The following NTM variants were observed in gnomAD, a reference collection of about 807,000 sequenced individuals.
The protein encoded by NTM is neurotrimin, also known as IgLON family member 2.
In NTM, 13 loss-of-function variants were observed where a neutral mutation model predicts 42.1. That is an observed-to-expected ratio of 0.31 (90% CI 0.20 to 0.49). NTM has a LOEUF of 0.49. Among genes scored for constraint, NTM ranks in the 20% least tolerant of loss-of-function variants. The pLI is 0.99. For missense variants in NTM, 373 were observed against 452.8 expected, an observed-to-expected ratio of 0.82 and a Z score of 1.60; for synonymous variants, 187 against 179.2, an observed-to-expected ratio of 1.04 and a Z score of -0.35.
intron 2 of NTM, among the ~76,000 whole-genome samples, chr11:132,105,562 A>C (rs191800277): frequency 3.9e-4 from 59 of 152,272 alleles, no homozygotes; most frequent in Admixed American, 2.9e-3. Flanking sequence ...TGGAGAAAAC[A>C]GTGGGAAGAG....
At chr11:132,169,629 G>A (rs754523206) in intron 3 of NTM, among the ~76,000 whole-genome samples, 6 of 151,842 alleles carry the variant, frequency 4.0e-5, no homozygotes, top group South Asian at 4.2e-4. Context: ...CCACTGTGCC[G>A]GGCCAATTTT....
At chr11:132,334,916 G>T in intron 8 of NTM, 130 bp from the exon 9 acceptor site, 2 of 1,438,166 alleles carry the variant, frequency 1.4e-6, no homozygotes, top group South Asian at 1.4e-5. Flanking sequence ...GCTGGGGCTG[G>T]AACACCATGT....
intron 2 of NTM, among the ~76,000 whole-genome samples, chr11:131,987,367 G>C (rs1267126746): frequency 6.8e-6 from 1 of 147,792 alleles, no homozygotes; most frequent in Non-Finnish European, 1.5e-5. Context: ...ATGTTATTCT[G>C]TCCTATTCCT....
At chr11:132,305,308 C>T (rs576264578) in intron 4 of NTM, among the ~76,000 whole-genome samples, 16 of 152,310 alleles carry the variant, frequency 1.1e-4, no homozygotes, top group Admixed American at 2.0e-4. Context: ...TTTGTTTCCC[C>T]GCTTTGGTGA....
intron 1 of NTM, among the ~76,000 whole-genome samples, chr11:131,793,400 G>A (rs542085089): frequency 1.5e-3 from 221 of 152,314 alleles, no homozygotes; most frequent in African/African-American, 5.2e-3. Context: ...GTGACTCAAT[G>A]ACTGAATAAA....
intron 3 of NTM, among the ~76,000 whole-genome samples, chr11:132,184,875 G>A (rs146000315): frequency 1.7e-3 from 257 of 152,250 alleles, no homozygotes; most frequent in African/African-American, 5.9e-3. Flanking sequence ...GCTTCATGGC[G>A]TCAGAGGTGC....
At chr11:131,885,023 C>T (rs939741543) in intron 1 of NTM, among the ~76,000 whole-genome samples, 8 of 152,102 alleles carry the variant, frequency 5.3e-5, no homozygotes, top group Non-Finnish European at 7.4e-5. Context: ...CTGAGACCCA[C>T]GGTTTGGGTC....
At chr11:131,419,300 C>G (rs1947270071) in intron 1 of NTM, among the ~76,000 whole-genome samples, 1 of 152,128 alleles carries the variant, frequency 6.6e-6, no homozygotes, top group African/African-American at 2.4e-5. Flanking sequence ...GATTTTCTTA[C>G]CTTATATGTG....
At chr11:131,640,820 T>C (rs2065039653) in intron 1 of NTM, among the ~76,000 whole-genome samples, 1 of 152,226 alleles carries the variant, frequency 6.6e-6, no homozygotes, top group Non-Finnish European at 1.5e-5. Flanking sequence ...CCATTTGGGA[T>C]AAGAATGACT....
intron 1 of NTM, among the ~76,000 whole-genome samples, chr11:131,755,241 C>T: frequency 6.6e-6 from 1 of 152,156 alleles, no homozygotes; most frequent in Non-Finnish European, 1.5e-5. Context: ...GCATGGCACA[C>T]AAGTTTTGAG....
chr11:132,212,088 C>T lies in NTM; in HGVS notation c.467C>T (p.Thr156Ile). 2 of 1,613,760 alleles carry T rather than the reference C, an allele frequency of 1.2e-6. No individual in the cohort carries two copies. The highest frequency in any genetic ancestry group is 1.7e-6 in the Non-Finnish European group (2 of 1,179,758). The change falls in exon 4 of 9, where the codon ACC (threonine) becomes ATC (isoleucine). Residue 156 changes from threonine to isoleucine, a missense_variant. Thr to Ile is a moderately conservative substitution (Grantham distance 89, BLOSUM62 -1). Transcript: ENST00000683400. Reference protein sequence around the residue: ...SINEGNNISLTCIATGRPEPT... With the variant: ...SINEGNNISLICIATGRPEPT... Reference sequence around the variant, plus strand: ...AATGAAGGGAACAATATTAGCCTCACCTGCATAGCAACTGGTAGACCAGAG... The same window carrying T: ...AATGAAGGGAACAATATTAGCCTCATCTGCATAGCAACTGGTAGACCAGAG...
intron 1 of NTM, among the ~76,000 whole-genome samples, chr11:131,490,525 T>C (rs558301013): frequency 6.6e-6 from 1 of 152,306 alleles, no homozygotes; most frequent in South Asian, 2.1e-4. Flanking sequence ...GTCATTTCCA[T>C]GGCTGAATTC....
At chr11:131,837,279 C>A (rs2043623296) in intron 1 of NTM, among the ~76,000 whole-genome samples, 1 of 152,206 alleles carries the variant, frequency 6.6e-6, no homozygotes, top group African/African-American at 2.4e-5. Flanking sequence ...CTCCTCTTCT[C>A]TGCCTTCTCT....
chr11:131,741,644 G>T (rs536913502), intron 1 of NTM, among the ~76,000 whole-genome samples: 4 of 152,298 alleles, frequency 2.6e-5, no homozygotes, highest in Admixed American at 6.5e-5. Flanking sequence ...TGAAAGCAGA[G>T]ACTAAGGAAA....
At chr11:132,181,415 G>T (rs1207815074) in intron 3 of NTM, among the ~76,000 whole-genome samples, 2 of 152,176 alleles carry the variant, frequency 1.3e-5, no homozygotes, top group South Asian at 4.1e-4. Context: ...ATTACAAGTT[G>T]TCTATTGAGA....
chr11:131,894,202 C>T (rs2051853960), intron 1 of NTM, among the ~76,000 whole-genome samples: 1 of 152,188 alleles, frequency 6.6e-6, no homozygotes, highest in Admixed American at 6.5e-5. Flanking sequence ...CAACCGCCAG[C>T]CACATGCTTG....
chr11:131,768,760 C>G (rs560427404), intron 1 of NTM, among the ~76,000 whole-genome samples: 108 of 152,264 alleles, frequency 7.1e-4, no homozygotes, highest in African/African-American at 2.5e-3. Context: ...TACATGGGAA[C>G]TCTATTGTTA....
chr11:132,243,168 G>C (rs551639263), intron 4 of NTM, among the ~76,000 whole-genome samples: 1 of 152,162 alleles, frequency 6.6e-6, no homozygotes, highest in Non-Finnish European at 1.5e-5. Flanking sequence ...CAAATGAAGA[G>C]CTCTTACTAA....
intron 2 of NTM, among the ~76,000 whole-genome samples, chr11:132,120,507 C>G (rs759157033): frequency 6.6e-6 from 1 of 152,146 alleles, no homozygotes; most frequent in Non-Finnish European, 1.5e-5. Flanking sequence ...TTGCTGTGGG[C>G]AAAAGAGGGA....
Sources: allele counts gnomAD v4.1 joint callset (sites outside exome capture counted in the v4.1 genomes callset), GRCh38; gene constraint gnomAD v4.1.1; transcripts MANE v1.5; gene names NCBI Gene and HGNC (gene_info 2026-07-23, HGNC 2026-07-21).